RALGAPA1: variants seen among roughly 807,000 people sequenced by gnomAD.
RALGAPA1 encodes the protein ral GTPase-activating protein subunit alpha-1.
A neutral mutation model predicts 269.6 loss-of-function variants in RALGAPA1; 52 were observed. The ratio of observed to expected loss-of-function variants is 0.19; its 90% CI spans 0.15 to 0.24. The LOEUF is 0.24. RALGAPA1 is among the 10% of genes least tolerant of loss of function. RALGAPA1 has a pLI of 1.00. For synonymous variants in RALGAPA1, 817 were observed against 1,008.3 expected, an observed-to-expected ratio of 0.81 and a Z score of 3.60; for missense variants, 1,917 against 3,013.9, an observed-to-expected ratio of 0.64 and a Z score of 8.52.
At chr14:35,593,129 A>G (rs2058733254) in intron 37 of RALGAPA1, among the ~76,000 whole-genome samples, 1 of 152,214 alleles carries the variant, frequency 6.6e-6, no homozygotes, top group South Asian at 2.1e-4. Flanking sequence ...AAACAGTGTT[A>G]CAACTAACAT....
chr14:35,651,928 C>T, intron 30 of RALGAPA1, 55 bp from the exon 31 acceptor site: 1 of 1,407,244 alleles, frequency 7.1e-7, no homozygotes, highest in Non-Finnish European at 9.7e-7. Flanking sequence ...ATTAATGGTA[C>T]ATCCTAAAAC....
chr14:35,725,269 GAC>G (rs1255693507), intron 13 of RALGAPA1, 116 bp from the exon 14 acceptor site: 1 of 634,682 alleles, frequency 1.6e-6, no homozygotes, highest in African/African-American at 1.9e-5. Context: ...ATCTTTGAAA[GAC>G]AATTTCAAAT....
chr14:35,662,046 T>C (rs984507993), intron 27 of RALGAPA1, among the ~76,000 whole-genome samples: 2 of 152,194 alleles, frequency 1.3e-5, no homozygotes, highest in Non-Finnish European at 2.9e-5. Flanking sequence ...GTGATGATGG[T>C]TGCACAATTC....
chr14:35,790,857 G>C (rs1221442019), intron 1 of RALGAPA1, among the ~76,000 whole-genome samples: 1 of 152,006 alleles, frequency 6.6e-6, no homozygotes, highest in African/African-American at 2.4e-5. Context: ...TCTGCAAAAG[G>C]GTAATCGCTT....
chr14:35,638,909 G>A (rs1021293134), intron 31 of RALGAPA1, among the ~76,000 whole-genome samples: 1 of 151,804 alleles, frequency 6.6e-6, no homozygotes, highest in South Asian at 2.1e-4. Context: ...CTGGGTGACA[G>A]AGCAAGACTC....
intron 35 of RALGAPA1, among the ~76,000 whole-genome samples, chr14:35,610,425 G>T (rs1260412589): frequency 6.6e-6 from 1 of 151,888 alleles, no homozygotes; most frequent in East Asian, 1.9e-4. Context: ...TGGGACTACA[G>T]GTGCCCACCA....
At chr14:35,802,250 G>A (rs953413614) in intron 1 of RALGAPA1, among the ~76,000 whole-genome samples, 1 of 152,186 alleles carries the variant, frequency 6.6e-6, no homozygotes, top group African/African-American at 2.4e-5. Flanking sequence ...GGAGGTTGCA[G>A]TGAGCTGAGA....
At chr14:35,686,041 A>C (rs570165657) in intron 19 of RALGAPA1, among the ~76,000 whole-genome samples, 1 of 152,154 alleles carries the variant, frequency 6.6e-6, no homozygotes, top group Non-Finnish European at 1.5e-5. Flanking sequence ...AAAATGGTTA[A>C]GCAGTATTTG....
At chr14:35,684,085 T>C (rs1269302206) in intron 20 of RALGAPA1, 100 bp from the exon 21 acceptor site, 1 of 847,272 alleles carries the variant, frequency 1.2e-6, no homozygotes, top group East Asian at 2.7e-5. Context: ...ACATTCCCCG[T>C]ACATCTATTC....
At chr14:35,729,147 G>C (rs2070238271) in intron 12 of RALGAPA1, among the ~76,000 whole-genome samples, 1 of 152,024 alleles carries the variant, frequency 6.6e-6, no homozygotes, top group African/African-American at 2.4e-5. Flanking sequence ...AAATCAGGAA[G>C]AATTTTCTGA....
In RALGAPA1 at chr14:35,724,959, CAACAAAACAA is replaced by C. The variant is rs534086524; in HGVS notation, c.1866+55_1866+64del. On this transcript the variant is annotated intron_variant, in intron 14 of 41. Transcript: ENST00000680220. ...CAATGAATTTTAAAAAACAAACAAACAACAAAACAAAACAAAACAACCCATATCTATCCAG... is the reference window on the plus strand; with the variant it reads ...CAATGAATTTTAAAAAACAAACAAACAACAAAACAACCCATATCTATCCAG... The C allele has an allele frequency of 5.8e-4, 735 of 1,268,862 alleles. 7 individuals carry two copies. In the South Asian group the frequency reaches 8.5e-3, roughly 15 times the overall value. The allele number at this position is 1,268,862 out of a possible 1,614,324, so 78.6% of individuals were successfully genotyped here. A position where few individuals can be genotyped will look rare whatever the true frequency, so the allele number is the denominator to read the frequency against.
At chr14:35,804,941 T>C (rs928368928) in intron 1 of RALGAPA1, among the ~76,000 whole-genome samples, 4 of 151,724 alleles carry the variant, frequency 2.6e-5, no homozygotes, top group Admixed American at 1.3e-4. Context: ...AAAAAAGCAA[T>C]GAACTATTAA....
intron 17 of RALGAPA1, among the ~76,000 whole-genome samples, chr14:35,698,197 C>T (rs2067048461): frequency 1.3e-5 from 2 of 152,098 alleles, no homozygotes; most frequent in South Asian, 4.1e-4. Context: ...TTAGAAAATT[C>T]CTTTCCAACA....
chr14:35,590,192 AT>A (rs916740835), intron 37 of RALGAPA1, among the ~76,000 whole-genome samples: 3 of 152,190 alleles, frequency 2.0e-5, no homozygotes, highest in Non-Finnish European at 2.9e-5. Flanking sequence ...ATGCCAAAAA[AT>A]TCTGTAACAA....
intron 35 of RALGAPA1, among the ~76,000 whole-genome samples, chr14:35,606,656 C>A (rs1426808538): frequency 6.6e-6 from 1 of 151,554 alleles, no homozygotes; most frequent in Non-Finnish European, 1.5e-5. Context: ...TCCAAGCTAA[C>A]TAAGTCATGC....
intron 37 of RALGAPA1, among the ~76,000 whole-genome samples, chr14:35,593,897 C>G (rs1016929180): frequency 6.6e-6 from 1 of 151,572 alleles, no homozygotes; most frequent in East Asian, 1.9e-4. Context: ...TATTACAAAG[C>G]TACAGTCATC....
intron 26 of RALGAPA1, among the ~76,000 whole-genome samples, chr14:35,666,013 C>T (rs8004796): frequency 0.044 from 6,687 of 151,496 alleles, 395 homozygotes; most frequent in South Asian, 0.14. Flanking sequence ...CTAGGTGTTT[C>T]CTCCTTTTTT....
At chr14:35,778,548 T>C (rs778928712) in intron 1 of RALGAPA1, among the ~76,000 whole-genome samples, 3 of 152,226 alleles carry the variant, frequency 2.0e-5, no homozygotes, top group Admixed American at 6.5e-5. Context: ...GAATAGAAAC[T>C]GTGTCTACCT....
intron 35 of RALGAPA1, among the ~76,000 whole-genome samples, chr14:35,613,412 C>T (rs1594814252): frequency 2.6e-5 from 4 of 152,216 alleles, no homozygotes; most frequent in Admixed American, 1.3e-4. Flanking sequence ...TAGGCAAAGA[C>T]GTTTATATTA....
Sources: gnomAD v4.1 joint callset for allele counts (sites outside exome capture counted in the v4.1 genomes callset) on GRCh38, gnomAD v4.1.1 for gene constraint, MANE v1.5 for transcripts, NCBI Gene and HGNC (gene_info 2026-07-23, HGNC 2026-07-21) for gene names.